The following GRID2 variants were observed in gnomAD, a reference collection of about 807,000 sequenced individuals.
GRID2 encodes glutamate receptor ionotropic, delta-2.
GRID2 carries 33 observed loss-of-function variants against 114.8 expected under a neutral mutation model. That is an observed-to-expected ratio of 0.29 (90% confidence interval 0.22 to 0.38). The LOEUF (loss-of-function observed/expected upper bound fraction) is 0.38. GRID2 is among the 10% of genes least tolerant of loss of function. The pLI is 1.00. For synonymous variants in GRID2, 505 were observed against 449.9 expected, an observed-to-expected ratio of 1.12 and a Z score of -1.55; for missense variants, 1,184 against 1,257.7, an observed-to-expected ratio of 0.94 and a Z score of 0.89.
At chr4:92,908,243 A>G (rs1748106111) in intron 2 of GRID2, among the ~76,000 whole-genome samples, 1 of 152,130 alleles carries the variant, frequency 6.6e-6, no homozygotes, top group Non-Finnish European at 1.5e-5. Flanking sequence ...TTCCTTTTAC[A>G]TGTAAAATAT....
At chr4:92,951,671 A>T (rs1157273853) in intron 2 of GRID2, among the ~76,000 whole-genome samples, 1 of 152,170 alleles carries the variant, frequency 6.6e-6, no homozygotes, top group East Asian at 1.9e-4. Flanking sequence ...AAGTTCAAAT[A>T]TTAAAAAGCA....
At chr4:93,476,290 G>A (rs1296432569) in intron 11 of GRID2, among the ~76,000 whole-genome samples, 2 of 152,058 alleles carry the variant, frequency 1.3e-5, no homozygotes, top group African/African-American at 4.8e-5. Flanking sequence ...AAAAATACAT[G>A]AAATGTTAAA....
rs554676061 is a variant in GRID2 at position 92,441,823 on chromosome 4, A to G, written c.88+137079A>G. ...TATACTTGTGGGTTAAGGTGGGGGG[A>G]TACAAGAGGAGGACGCAAAGGAGGC... On this transcript the variant is annotated intron_variant, in intron 1 of 15. Transcript: ENST00000282020. Among the ~76,000 whole-genome samples, 4 of 151,942 alleles carry G rather than the reference A, an allele frequency of 2.6e-5. No homozygotes were observed. In the East Asian group the frequency reaches 7.8e-4, roughly 30 times the overall value.
At chr4:93,327,854 A>G (rs1226142783) in intron 8 of GRID2, among the ~76,000 whole-genome samples, 4 of 152,144 alleles carry the variant, frequency 2.6e-5, no homozygotes, top group Non-Finnish European at 1.5e-5. Context: ...ATATTTATGT[A>G]ATAAAATTAC....
At chr4:93,701,348 G>A (rs1727492636) in intron 14 of GRID2, among the ~76,000 whole-genome samples, 1 of 152,040 alleles carries the variant, frequency 6.6e-6, no homozygotes, top group Admixed American at 6.6e-5. Flanking sequence ...TTCAAAATCA[G>A]TTGTGTCTGA....
intron 2 of GRID2, among the ~76,000 whole-genome samples, chr4:92,629,316 T>G (rs961314120): frequency 1.8e-4 from 28 of 152,092 alleles, no homozygotes; most frequent in Non-Finnish European, 4.4e-5. Context: ...TTTGGAATGT[T>G]AATAAATAGT....
chr4:92,760,825 T>C (rs1214745049), intron 2 of GRID2, among the ~76,000 whole-genome samples: 1 of 152,192 alleles, frequency 6.6e-6, no homozygotes, highest in East Asian at 1.9e-4. Context: ...TGGGCTTTAT[T>C]TGTTCTTTAA....
intron 14 of GRID2, among the ~76,000 whole-genome samples, chr4:93,637,550 T>C (rs1721524165): frequency 6.6e-6 from 1 of 152,186 alleles, no homozygotes. Context: ...ATTAAAATGC[T>C]GTTGGGCATT....
chr4:92,784,882 G>C (rs947524556), intron 2 of GRID2, among the ~76,000 whole-genome samples: 2 of 151,794 alleles, frequency 1.3e-5, no homozygotes, highest in Non-Finnish European at 2.9e-5. Context: ...GGTCTGAGCT[G>C]TGTCATCTTT....
chr4:93,796,033 C>G (rs559526949), intron 1 of GRID2, among the ~76,000 whole-genome samples: 1 of 152,268 alleles, frequency 6.6e-6, no homozygotes, highest in South Asian at 2.1e-4. Flanking sequence ...ACTGACAGGA[C>G]AGAGGCCCCT....
At chr4:92,841,817 C>A (rs1742917743) in intron 2 of GRID2, among the ~76,000 whole-genome samples, 1 of 151,708 alleles carries the variant, frequency 6.6e-6, no homozygotes, top group Non-Finnish European at 1.5e-5. Flanking sequence ...TTTAGCAATT[C>A]TGACAGCTTT....
intron 1 of GRID2, among the ~76,000 whole-genome samples, chr4:92,570,781 G>A (rs1436327951): frequency 1.3e-5 from 2 of 151,866 alleles, no homozygotes; most frequent in Non-Finnish European, 2.9e-5. Context: ...AATGCTACTG[G>A]TTTTTACATA....
At chr4:92,861,337 C>A (rs949637771) in intron 2 of GRID2, among the ~76,000 whole-genome samples, 7 of 152,074 alleles carry the variant, frequency 4.6e-5, no homozygotes, top group Non-Finnish European at 7.4e-5. Flanking sequence ...TATTATATAA[C>A]CTAATCATAG....
chr4:92,796,735 A>C (rs1311260974), intron 2 of GRID2, among the ~76,000 whole-genome samples: 1 of 151,864 alleles, frequency 6.6e-6, no homozygotes, highest in East Asian at 2.0e-4. Flanking sequence ...GCTTCTCCTG[A>C]TATCATTCTG....
At chr4:92,918,806 A>G (rs1749043426) in intron 2 of GRID2, among the ~76,000 whole-genome samples, 1 of 152,066 alleles carries the variant, frequency 6.6e-6, no homozygotes, top group South Asian at 2.1e-4. Context: ...ATTGGTCTAA[A>G]ATTCTCTTTT....
At chr4:92,793,538 CATAAA>C (rs1739694924) in intron 2 of GRID2, among the ~76,000 whole-genome samples, 1 of 148,348 alleles carries the variant, frequency 6.7e-6, no homozygotes, top group African/African-American at 2.5e-5. Context: ...TACCCCTGAA[CATAAA>C]ATAAAAATTA....
At chr4:93,119,662 G>T (rs1733599662) in intron 4 of GRID2, among the ~76,000 whole-genome samples, 1 of 152,010 alleles carries the variant, frequency 6.6e-6, no homozygotes, top group African/African-American at 2.4e-5. Context: ...AGTTTTCATT[G>T]TATTGTACTA....
chr4:93,166,866 G>A (rs559350534), intron 4 of GRID2, among the ~76,000 whole-genome samples: 3 of 152,250 alleles, frequency 2.0e-5, no homozygotes, highest in East Asian at 1.9e-4. Context: ...ATCTAAACCA[G>A]TGTGCTAGCT....
chr4:93,163,947 A>G (rs1368807505), intron 4 of GRID2, among the ~76,000 whole-genome samples: 2 of 151,986 alleles, frequency 1.3e-5, no homozygotes, highest in African/African-American at 2.4e-5. Flanking sequence ...TATAGCATGG[A>G]ATCAGGATCC....
Sources: gnomAD v4.1 joint callset for allele counts (sites outside exome capture counted in the v4.1 genomes callset) on GRCh38, gnomAD v4.1.1 for gene constraint, MANE v1.5 for transcripts, NCBI Gene and HGNC (gene_info 2026-07-23, HGNC 2026-07-21) for gene names.